RBFOX1: variants seen among roughly 807,000 people sequenced by gnomAD.
RBFOX1 encodes the protein RNA binding fox-1 homolog 1, also known as RNA binding protein fox-1 homolog 1.
A neutral mutation model predicts 57.7 loss-of-function variants in RBFOX1; 8 were observed. The observed-to-expected ratio is 0.14, with a 90% CI of 0.08 to 0.25. The LOEUF (loss-of-function observed/expected upper bound fraction) is 0.25. Ranked by LOEUF, RBFOX1 falls within the 10% of genes least tolerant of loss-of-function variation. The pLI, the probability that RBFOX1 is intolerant of heterozygous loss-of-function variation, is 1.00. For missense variants in RBFOX1, 611 were observed against 548.5 expected (o/e 1.11, Z -1.14); for synonymous variants, 326 against 222.4 (o/e 1.47, Z -4.15).
intron 10 of RBFOX1, among the ~76,000 whole-genome samples, chr16:7,624,467 C>G (rs959339114): frequency 6.6e-6 from 1 of 152,176 alleles, no homozygotes; most frequent in East Asian, 1.9e-4. Context: ...GTTACTGAAC[C>G]TATGAGCACT....
chr16:5,825,289 A>C (rs757440177), intron 3 of RBFOX1, among the ~76,000 whole-genome samples: 1 of 152,236 alleles, frequency 6.6e-6, no homozygotes, highest in Non-Finnish European at 1.5e-5. Flanking sequence ...CCAGGTTCAG[A>C]GATGTTCCCT....
intron 1 of RBFOX1, among the ~76,000 whole-genome samples, chr16:6,081,636 G>C (rs2096003273): frequency 6.6e-6 from 1 of 152,168 alleles, no homozygotes; most frequent in Non-Finnish European, 1.5e-5. Context: ...GGGGTTCCTA[G>C]CTTCATGTGA....
intron 4 of RBFOX1, among the ~76,000 whole-genome samples, chr16:7,075,507 A>G (rs1157689584): frequency 6.6e-6 from 1 of 152,232 alleles, no homozygotes; most frequent in African/African-American, 2.4e-5. Context: ...TTCTCTTTAA[A>G]ACAATAAGTA....
intron 1 of RBFOX1, among the ~76,000 whole-genome samples, chr16:6,070,811 A>G (rs558795169): frequency 2.6e-4 from 39 of 151,192 alleles, no homozygotes; most frequent in African/African-American, 9.2e-4. Flanking sequence ...ATACACACAC[A>G]CGCTCGCCCC....
intron 2 of RBFOX1, among the ~76,000 whole-genome samples, chr16:6,322,468 C>G (rs2081925637): frequency 6.6e-6 from 1 of 152,166 alleles, no homozygotes; most frequent in South Asian, 2.1e-4. Context: ...TTCTTTTAGT[C>G]TACACTTCTA....
intron 4 of RBFOX1, among the ~76,000 whole-genome samples, chr16:7,221,028 G>T (rs894560334): frequency 2.8e-4 from 42 of 152,154 alleles, no homozygotes; most frequent in African/African-American, 9.9e-4. Context: ...TAGTTTATCA[G>T]ATGTACTGTC....
intron 1 of RBFOX1, among the ~76,000 whole-genome samples, chr16:6,124,192 A>G (rs1036264668): frequency 1.3e-5 from 2 of 152,122 alleles, no homozygotes; most frequent in East Asian, 1.9e-4. Flanking sequence ...CTGAAACTGG[A>G]TTCCCTTTTA....
At chr16:7,112,028 G>A (rs2064881278) in intron 4 of RBFOX1, among the ~76,000 whole-genome samples, 1 of 152,122 alleles carries the variant, frequency 6.6e-6, no homozygotes, top group Admixed American at 6.5e-5. Flanking sequence ...CATGAGACAG[G>A]AAAAGGGAGG....
chr16:6,220,731 C>CTA (rs5815293), intron 1 of RBFOX1, among the ~76,000 whole-genome samples: 65 of 151,438 alleles, frequency 4.3e-4, no homozygotes, highest in Middle Eastern at 3.4e-3. Flanking sequence ...CGCCCCCCCC[C>CTA]AGTGGAAAAT....
intron 4 of RBFOX1, among the ~76,000 whole-genome samples, chr16:7,053,803 C>CTAA (rs2050937288): frequency 6.6e-6 from 1 of 152,114 alleles, no homozygotes; most frequent in Admixed American, 6.5e-5. Context: ...TCCAATAGCC[C>CTAA]CATCTCTAAC....
chr16:6,725,821 C>T (rs1044306569), intron 3 of RBFOX1, among the ~76,000 whole-genome samples: 2 of 152,120 alleles, frequency 1.3e-5, no homozygotes, highest in African/African-American at 4.8e-5. Context: ...GCTCTTCAAG[C>T]ATTGGGTTGT....
At chr16:5,682,424 A>T (rs1042349784) in intron 3 of RBFOX1, among the ~76,000 whole-genome samples, 1 of 152,214 alleles carries the variant, frequency 6.6e-6, no homozygotes, top group Non-Finnish European at 1.5e-5. Context: ...TCTACAATTT[A>T]TCAGGTGGTG....
intron 1 of RBFOX1, among the ~76,000 whole-genome samples, chr16:5,397,397 G>C (rs2066589947): frequency 6.6e-6 from 1 of 152,182 alleles, no homozygotes; most frequent in South Asian, 2.1e-4. Context: ...GCAGCCACCT[G>C]GCAGGTGCTC....
chr16:6,085,783 C>T (rs545292756), intron 1 of RBFOX1, among the ~76,000 whole-genome samples: 12 of 152,268 alleles, frequency 7.9e-5, no homozygotes, highest in South Asian at 4.1e-4. Context: ...TAATTTTTTC[C>T]GAACTCCATC....
chr16:5,729,421 C>T (rs28663152), intron 3 of RBFOX1, among the ~76,000 whole-genome samples: 2 of 115,208 alleles, frequency 1.7e-5, no homozygotes, highest in East Asian at 5.2e-4. Flanking sequence ...TTTTTGCCAG[C>T]CAAGGAATGG....
At chr16:6,725,508 G>A (rs1298167531) in intron 3 of RBFOX1, among the ~76,000 whole-genome samples, 2 of 151,984 alleles carry the variant, frequency 1.3e-5, no homozygotes, top group African/African-American at 4.8e-5. Flanking sequence ...CCTCAGTTTT[G>A]GGAATTGCCC....
chr16:6,289,498 C>A (rs985567129), intron 1 of RBFOX1, among the ~76,000 whole-genome samples: 3 of 152,122 alleles, frequency 2.0e-5, no homozygotes, highest in Non-Finnish European at 4.4e-5. Flanking sequence ...GAAAATCATT[C>A]TTGAGTCGGC....
chr16:7,227,614 C>G (rs2093225519), intron 4 of RBFOX1, among the ~76,000 whole-genome samples: 1 of 152,152 alleles, frequency 6.6e-6, no homozygotes, highest in African/African-American at 2.4e-5. Flanking sequence ...CACGCGCAAG[C>G]ATTCCAAGCC....
upstream of RBFOX1, among the ~76,000 whole-genome samples, chr16:6,016,814 G>A (rs2152343420): frequency 6.6e-6 from 1 of 152,246 alleles, no homozygotes; most frequent in Middle Eastern, 3.4e-3. Context: ...GAAATGACAG[G>A]AAAAACTCTA....
Sources: gnomAD v4.1 joint callset for allele counts (sites outside exome capture counted in the v4.1 genomes callset) on GRCh38, gnomAD v4.1.1 for gene constraint, MANE v1.5 for transcripts, NCBI Gene and HGNC (gene_info 2026-07-23, HGNC 2026-07-21) for gene names.